Variants in SCHIP1 observed in about 807,000 individuals in gnomAD.
SCHIP1 encodes the protein schwannomin-interacting protein 1.
A neutral mutation model predicts 29.7 loss-of-function variants in SCHIP1; 8 were observed. The observed-to-expected ratio is 0.27, with a 90% confidence interval of 0.16 to 0.49. The LOEUF (loss-of-function observed/expected upper bound fraction) is 0.49. Ranked by LOEUF, SCHIP1 falls within the 20% of genes least tolerant of loss-of-function variation. The pLI is 0.99. For synonymous variants in SCHIP1, 76 were observed against 94.9 expected, an observed-to-expected ratio of 0.80 and a Z score of 1.16; for missense variants, 193 against 294.6, an observed-to-expected ratio of 0.66 and a Z score of 2.52.
chr3:159,374,076 G>A, the SCHIP1 span, among the ~76,000 whole-genome samples: 26 of 151,938 alleles, frequency 1.7e-4, no homozygotes, highest in African/African-American at 4.6e-4. Flanking sequence ...TAAATATCAC[G>A]GATCCATGAA....
chr3:159,340,440 C>T, the SCHIP1 span, among the ~76,000 whole-genome samples: 1 of 151,638 alleles, frequency 6.6e-6, no homozygotes, highest in African/African-American at 2.4e-5. Flanking sequence ...ATTATTAAAA[C>T]TAGAGGAAAT....
the SCHIP1 span, among the ~76,000 whole-genome samples, chr3:159,373,538 T>A: frequency 6.6e-6 from 1 of 152,106 alleles, no homozygotes; most frequent in Non-Finnish European, 1.5e-5. Flanking sequence ...ATAGAGACTT[T>A]GTATCCTTTT....
At chr3:159,326,104 C>T in the SCHIP1 span, among the ~76,000 whole-genome samples, 27 of 152,036 alleles carry the variant, frequency 1.8e-4, no homozygotes, top group Admixed American at 1.7e-3. Flanking sequence ...CACTGAGACA[C>T]GGAGAGGCTA....
At chr3:159,529,937 C>T in the SCHIP1 span, among the ~76,000 whole-genome samples, 1 of 152,164 alleles carries the variant, frequency 6.6e-6, no homozygotes, top group Non-Finnish European at 1.5e-5. Flanking sequence ...GACAAGATTT[C>T]ATTCTCTTTG....
chr3:159,449,937 A>C, the SCHIP1 span, among the ~76,000 whole-genome samples: 1 of 152,044 alleles, frequency 6.6e-6, no homozygotes, highest in African/African-American at 2.4e-5. Flanking sequence ...AAAGAAAAGG[A>C]AAGAAAAAGA....
the SCHIP1 span, among the ~76,000 whole-genome samples, chr3:159,599,743 G>C: frequency 6.6e-6 from 1 of 151,986 alleles, no homozygotes; most frequent in Non-Finnish European, 1.5e-5. Flanking sequence ...TTGTCATTGC[G>C]GTCTGGTGGA....
At chr3:159,491,591 T>G in the SCHIP1 span, among the ~76,000 whole-genome samples, 588 of 152,254 alleles carry the variant, frequency 3.9e-3, 3 homozygotes, top group African/African-American at 0.013. Flanking sequence ...CTTGAGTAGT[T>G]AAACAAAGTG....
At chr3:159,293,167 A>T in the SCHIP1 span, among the ~76,000 whole-genome samples, 19 of 152,352 alleles carry the variant, frequency 1.2e-4, no homozygotes, top group African/African-American at 4.6e-4. Flanking sequence ...ATTTGCGTAC[A>T]TTACCTATGG....
At chr3:159,702,636 C>G in the SCHIP1 span, among the ~76,000 whole-genome samples, 1 of 152,212 alleles carries the variant, frequency 6.6e-6, no homozygotes, top group Non-Finnish European at 1.5e-5. Flanking sequence ...AGAAAAAATG[C>G]GCTCTGAAAA....
At chr3:159,817,332 C>G in the SCHIP1 span, among the ~76,000 whole-genome samples, 1 of 151,976 alleles carries the variant, frequency 6.6e-6, no homozygotes, top group Non-Finnish European at 1.5e-5. Context: ...GTGGCGGGGT[C>G]GAGGAGAGGT....
the SCHIP1 span, among the ~76,000 whole-genome samples, chr3:159,822,102 G>C: frequency 2.0e-5 from 3 of 152,308 alleles, no homozygotes; most frequent in South Asian, 4.1e-4. Context: ...TTGACTGTGG[G>C]TAACTGAAAT....
chr3:159,389,668 A>G, the SCHIP1 span, among the ~76,000 whole-genome samples: 1 of 152,102 alleles, frequency 6.6e-6, no homozygotes, highest in Admixed American at 6.6e-5. Context: ...AGAATAAGAC[A>G]GAGAAATGTG....
the SCHIP1 span, among the ~76,000 whole-genome samples, chr3:159,430,142 C>T: frequency 6.6e-6 from 1 of 152,002 alleles, no homozygotes. Context: ...GATGTCTGTT[C>T]CTGAATGTGT....
At chr3:159,680,704 AT>A in the SCHIP1 span, among the ~76,000 whole-genome samples, 3 of 798 alleles carry the variant, frequency 3.8e-3, no homozygotes, top group Non-Finnish European at 9.0e-3. Context: ...TATAATATAT[AT>A]TATATATAAT....
At chr3:159,894,788 A>T (rs1717897175) in intron 6 of SCHIP1, 1 of 151,756 alleles carries the variant, frequency 6.6e-6, no homozygotes, top group South Asian at 2.1e-4. Context: ...TAACTTGCTG[A>T]TAAGAACCTT....
chr3:159,828,452 CG>C, the SCHIP1 span, among the ~76,000 whole-genome samples: 2 of 116,942 alleles, frequency 1.7e-5, no homozygotes, highest in African/African-American at 7.0e-5. Flanking sequence ...TATATATATA[CG>C]TATATATATG....
intron 1 of SCHIP1, among the ~76,000 whole-genome samples, chr3:159,844,234 C>T (rs1470786073): frequency 6.6e-6 from 1 of 152,188 alleles, no homozygotes. Flanking sequence ...TGGATTCTTA[C>T]ACATTGCTTT....
the SCHIP1 span, among the ~76,000 whole-genome samples, chr3:159,507,436 T>C: frequency 6.6e-6 from 1 of 152,214 alleles, no homozygotes; most frequent in Non-Finnish European, 1.5e-5. Context: ...ACTTCCTCTT[T>C]TCCTAATTGA....
chr3:159,475,832 G>T, the SCHIP1 span, among the ~76,000 whole-genome samples: 1 of 152,146 alleles, frequency 6.6e-6, no homozygotes, highest in Non-Finnish European at 1.5e-5. Flanking sequence ...TTTGAGAGCT[G>T]GGAGTAGAAA....
Sources: allele counts gnomAD v4.1 joint callset (sites outside exome capture counted in the v4.1 genomes callset), GRCh38; gene constraint gnomAD v4.1.1; transcripts MANE v1.5; gene names NCBI Gene and HGNC (gene_info 2026-07-23, HGNC 2026-07-21).